LAMP5: variants seen among roughly 807,000 people sequenced by gnomAD.
The protein encoded by LAMP5 is lysosome associated membrane protein 5.
Under a neutral mutation model 30.2 loss-of-function variants are expected in LAMP5, and 36 were observed. That is an observed-to-expected ratio of 1.19 (90% CI 0.91 to 1.57). The LOEUF is 1.57. LAMP5 is among the 40% of genes most tolerant of loss of function. The pLI is 0.00. For missense variants in LAMP5, 377 were observed against 354.9 expected (o/e 1.06, Z -0.50); for synonymous variants, 149 against 134.6 (o/e 1.11, Z -0.74).
chr20:9,518,241 G>A lies in LAMP5; in HGVS notation c.664+13G>A. On this transcript the variant is annotated intron_variant, in intron 5 of 5. Coordinates refer to ENST00000246070, the MANE Select transcript of LAMP5 (RefSeq NM_012261.4). ...GTCTTCAGTGAAGGTAAGTTGTTGG[G>A]GGATGGAGGGGAAGAAGACCTAGTT... is the stretch of plus-strand genomic sequence containing the variant. 1 of 1,612,182 alleles carries A rather than the reference G, an allele frequency of 6.2e-7. No individual in the cohort carries two copies. The highest frequency in any genetic ancestry group is 8.5e-7 in the Non-Finnish European group (1 of 1,178,384).
chr20:9,529,554 T>G (rs1243688413), intron 5 of LAMP5, 88 bp from the exon 6 acceptor site: 1 of 1,347,666 alleles, frequency 7.4e-7, no homozygotes, highest in Non-Finnish European at 1.0e-6. Flanking sequence ...AGAAATCTTT[T>G]TACCTCCATT....
At position 9,515,682 on chromosome 20, in the gene LAMP5, C is replaced by T. The variant is rs2045031919; in HGVS notation, c.237+57C>T. The stretch of plus-strand genomic sequence containing the variant: ...CCTAGGGCTCCAGGGCGAAGGGCAC[C>T]CTTCCTCAAGGCTCTTCGAAGACCT... On this transcript the variant is annotated intron_variant, in intron 2 of 5. Coordinates refer to ENST00000246070, the MANE Select transcript of LAMP5 (RefSeq NM_012261.4). The T allele has an allele frequency of 6.3e-6, 10 of 1,577,846 alleles. No individual in the cohort carries two copies. In the South Asian group the frequency reaches 9.2e-5, roughly 15 times the overall value.
chr20:9,514,736 C>T lies in LAMP5; in HGVS notation c.-117C>T. Reference sequence around the variant, plus strand: ...ACAGAATACGCGCTCCCTCCCTCCCCCTTCTCTGTCCCCCGCCTCTCGCTC... The same window carrying T: ...ACAGAATACGCGCTCCCTCCCTCCCTCTTCTCTGTCCCCCGCCTCTCGCTC... On this transcript the variant is annotated 5_prime_UTR_variant, in exon 1 of 6. Coordinates refer to ENST00000246070, the MANE Select transcript of LAMP5 (RefSeq NM_012261.4). The T allele has an allele frequency of 1.1e-6, 1 of 872,096 alleles. No individual in the cohort carries two copies. The highest frequency in any genetic ancestry group is 2.6e-5 in the East Asian group (1 of 37,828). The allele number at this position is 872,096 out of a possible 1,614,324, so 54.0% of individuals were successfully genotyped here. A position where few individuals can be genotyped will look rare whatever the true frequency, so the allele number is the denominator to read the frequency against.
In LAMP5 at chr20:9,514,747, C is replaced by G. The variant is rs2045021583; in HGVS notation, c.-106C>G. 6 of 984,500 alleles carry G rather than the reference C, an allele frequency of 6.1e-6. No individual in the cohort carries two copies. The highest frequency in any genetic ancestry group is 7.9e-6 in the Non-Finnish European group (5 of 633,692). The allele number at this position is 984,500 out of a possible 1,614,324, so 61.0% of individuals were successfully genotyped here. ...GCTCCCTCCCTCCCCCTTCTCTGTC[C>G]CCCGCCTCTCGCTCACCCCGGCCCA... On this transcript the variant is annotated 5_prime_UTR_variant, in exon 1 of 6. Coordinates refer to ENST00000246070, the MANE Select transcript of LAMP5 (RefSeq NM_012261.4).
chr20:9,529,306 TA>T (rs917146961), intron 5 of LAMP5, among the ~76,000 whole-genome samples: 7 of 152,200 alleles, frequency 4.6e-5, no homozygotes, highest in African/African-American at 1.7e-4. Flanking sequence ...ATTACTTTAA[TA>T]AAAAGTTAAA....
chr20:9,526,173 T>A (rs2045111047), intron 5 of LAMP5, among the ~76,000 whole-genome samples: 1 of 152,262 alleles, frequency 6.6e-6, no homozygotes, highest in African/African-American at 2.4e-5. Flanking sequence ...TGCTACTTTT[T>A]GTGAGATAAT....
In LAMP5 at chr20:9,515,201, T is replaced by C. The variant is rs1048934545; in HGVS notation, c.65-252T>C. On this transcript the variant is annotated intron_variant, in intron 1 of 5. Transcript: ENST00000246070. ...AAATATTTACTTTAAAATCCCAAGATGTAGAAAACAGCCAGCTATATTACA... is the reference window on the plus strand; with the variant it reads ...AAATATTTACTTTAAAATCCCAAGACGTAGAAAACAGCCAGCTATATTACA... 4.6e-5 allele frequency among the ~76,000 whole-genome samples: 7 copies of C among 152,286 alleles called. No homozygotes were observed. In the East Asian group the frequency reaches 1.4e-3, roughly 29 times the overall value.
Position 9,514,852 on chromosome 20 carries a change from T to G in LAMP5, c.-1T>G. 1 of 1,613,858 alleles carries G rather than the reference T, an allele frequency of 6.2e-7. No individual in the cohort carries two copies. Among genetic ancestry groups the G allele is most frequent in the African/African-American group, 1.3e-5 (1 of 74,930 alleles). ...CCGGCCTCATTCGGGGCACTGCGAG[T>G]ATGGATCTCCAAGGAAGAGGGGTCC... is the stretch of plus-strand genomic sequence containing the variant. On this transcript the variant is annotated 5_prime_UTR_variant, in exon 1 of 6. Transcript: ENST00000246070.
At chr20:9,527,625 ATGTAAAGCT>A (rs1270104406) in intron 5 of LAMP5, among the ~76,000 whole-genome samples, 6 of 152,228 alleles carry the variant, frequency 3.9e-5, no homozygotes, top group Admixed American at 3.3e-4. Flanking sequence ...ATGAAGAGAC[ATGTAAAGCT>A]TGTTTATTTT....
At position 9,516,380 on chromosome 20, in the gene LAMP5, G is replaced by C; in HGVS notation, c.475+19G>C. ...GTCAGTGGTGAGTGGAGGCTGGCAT[G>C]GCTGGGGAGGGAGCCTGGGAACTCG... On this transcript the variant is annotated intron_variant, in intron 4 of 5. Coordinates refer to ENST00000246070, the MANE Select transcript of LAMP5 (RefSeq NM_012261.4). 1.3e-6 allele frequency: 2 copies of C among 1,582,986 alleles called. No individual in the cohort carries two copies. Among genetic ancestry groups the C allele is most frequent in the Non-Finnish European group, 1.7e-6 (2 of 1,151,730 alleles).
chr20:9,518,179 G>A lies in LAMP5; in HGVS notation c.615G>A (p.Ala205=), dbSNP rs749742595. 18 of 1,613,984 alleles carry A rather than the reference G, an allele frequency of 1.1e-5. No homozygotes were observed. Among genetic ancestry groups the A allele is most frequent in the African/African-American group, 4.0e-5 (3 of 74,890 alleles). ...AGACGGTCACCATGATCCTGTCTGC[G>A]GTCCACATCCAACCTTTTGACATTA... ...PQKTVTMILS[A]VHIQPFDIIS... The change falls in exon 5 of 6, where the codon GCG becomes GCA. Residue 205 remains alanine (A), a synonymous_variant. Transcript: ENST00000246070.
chr20:9,527,041 T>G (rs982576273), intron 5 of LAMP5, among the ~76,000 whole-genome samples: 1 of 151,928 alleles, frequency 6.6e-6, no homozygotes, highest in African/African-American at 2.4e-5. Flanking sequence ...GCTGGAAAAC[T>G]TCCTTGTTCC....
intron 5 of LAMP5, among the ~76,000 whole-genome samples, chr20:9,518,521 C>A (rs571963476): frequency 1.1e-3 from 170 of 152,304 alleles, no homozygotes; most frequent in Non-Finnish European, 1.9e-3. Flanking sequence ...ACCTTCTTCC[C>A]TCCCTTCTTA....
chr20:9,526,860 G>GTATATA (rs201564418), intron 5 of LAMP5, among the ~76,000 whole-genome samples: 2,227 of 79,678 alleles, frequency 0.028, 56 homozygotes, highest in Non-Finnish European at 0.043. Flanking sequence ...GTGTGTGTGT[G>GTATATA]TATATATATA....
intron 5 of LAMP5, among the ~76,000 whole-genome samples, chr20:9,518,750 T>C (rs1477674315): frequency 6.6e-6 from 1 of 152,266 alleles, no homozygotes; most frequent in Admixed American, 6.5e-5. Flanking sequence ...TCTTGTTCTC[T>C]CGGATACTTC....
chr20:9,515,510 C>G lies in LAMP5; in HGVS notation c.122C>G (p.Thr41Ser), dbSNP rs2045029357. Residue 41 changes from threonine (T) to serine (S), a missense_variant, in exon 2 of 6, where the codon ACT becomes AGT. Transcript: ENST00000246070. ...QEVENLSGLSTNPEKDIFVVR... is the reference protein window; with the variant it reads ...QEVENLSGLSSNPEKDIFVVR... ...GTGGAAAATCTCTCAGGCCTTTCCA[C>G]TAACCCTGAAAAAGATATATTTGTG... 6.2e-7 allele frequency: 1 copy of G among 1,614,052 alleles called. No individual in the cohort carries two copies. Among genetic ancestry groups the G allele is most frequent in the Admixed American group, 1.7e-5 (1 of 60,006 alleles).
At chr20:9,520,199 A>G (rs1352524680) in intron 5 of LAMP5, among the ~76,000 whole-genome samples, 4 of 152,222 alleles carry the variant, frequency 2.6e-5, no homozygotes, top group Admixed American at 2.6e-4. Flanking sequence ...TTTTATGGCT[A>G]ATAATTAGGA....
At position 9,526,860 on chromosome 20, in the gene LAMP5, G is replaced by GTATATATATA. The variant is rs201564418; in HGVS notation, c.665-2749_665-2740dup. ...GATACATATACATATGTGTGTGTGT[G>GTATATATATA]TATATATATATATATATATATATAT... On this transcript the variant is annotated intron_variant, in intron 5 of 5. Transcript: ENST00000246070. 4.5e-3 allele frequency among the ~76,000 whole-genome samples: 358 copies of GTATATATATA among 80,100 alleles called. 7 individuals carry two copies. Among genetic ancestry groups the GTATATATATA allele is most frequent in the Middle Eastern group, 9.8e-3 (1 of 102 alleles). The allele number at this position is 80,100 out of a possible 152,430, so 52.5% of individuals were successfully genotyped here.
intron 5 of LAMP5, among the ~76,000 whole-genome samples, chr20:9,522,331 C>A (rs564977138): frequency 2.0e-5 from 3 of 152,250 alleles, no homozygotes; most frequent in African/African-American, 7.2e-5. Context: ...TATATACCAG[C>A]CCCCCAGTAG....
Sources: allele counts gnomAD v4.1 joint callset (sites outside exome capture counted in the v4.1 genomes callset), GRCh38; gene constraint gnomAD v4.1.1; transcripts MANE v1.5; gene names NCBI Gene and HGNC (gene_info 2026-07-23, HGNC 2026-07-21).